The following BBIP1 variants were observed in gnomAD, a reference collection of about 807,000 sequenced individuals.
The protein encoded by BBIP1 is BBSome interacting protein 1, also known as BBSome-interacting protein 1.
BBIP1 carries 6 observed loss-of-function variants against 8.9 expected under a neutral mutation model. The ratio of observed to expected loss-of-function variants is 0.67; its 90% confidence interval spans 0.37 to 1.33. The LOEUF is 1.33. Ranked by LOEUF, BBIP1 falls within the 40% of genes most tolerant of loss-of-function variation. BBIP1 has a pLI of 0.02. For missense variants in BBIP1, 111 were observed against 109.2 expected, an observed-to-expected ratio of 1.02 and a Z score of -0.07; for synonymous variants, 32 against 33.4, an observed-to-expected ratio of 0.96 and a Z score of 0.14.
At chr10:110,916,368 C>T (rs1234516631) in intron 2 of BBIP1, among the ~76,000 whole-genome samples, 2 of 152,128 alleles carry the variant, frequency 1.3e-5, no homozygotes, top group Non-Finnish European at 2.9e-5. Context: ...CGTTGGCAGT[C>T]TTGAGTTTTC....
In BBIP1 at chr10:110,907,901, A is replaced by G; in HGVS notation, c.38-6289T>C. The G allele has an allele frequency of 4.8e-6, 3 of 620,960 alleles. No individual in the cohort carries two copies. The South Asian group carries it at 5.8e-5, about 12-fold the overall frequency. The allele number at this position is 620,960 out of a possible 1,614,324, so 38.5% of individuals were successfully genotyped here. On this transcript the variant is annotated intron_variant, in intron 2 of 3. Coordinates refer to ENST00000448814, the MANE Select transcript of BBIP1 (RefSeq NM_001195305.3). ...GACTGTTTAGAAACTTTAATATGCT[A>G]AAGTATGTGATACATTTCAAACAGG...
intron 2 of BBIP1, among the ~76,000 whole-genome samples, chr10:110,915,060 C>T (rs149193530): frequency 6.6e-6 from 1 of 152,314 alleles, no homozygotes; most frequent in African/African-American, 2.4e-5. Flanking sequence ...AAAGCCCAGT[C>T]CCCAAATCAT....
chr10:110,900,209 A>T lies in BBIP1; in HGVS notation c.*151T>A. On this transcript the variant is annotated 3_prime_UTR_variant, in exon 4 of 4. Coordinates refer to ENST00000448814, the MANE Select transcript of BBIP1 (RefSeq NM_001195305.3). ...CCAGAGTGTTTACATTCACAATACA[A>T]ATTTCATCAATCTTGGATATTTTTG... 2.5e-6 allele frequency: 2 copies of T among 802,070 alleles called. No individual in the cohort carries two copies. Among genetic ancestry groups the T allele is most frequent in the African/African-American group, 1.8e-5 (1 of 56,642 alleles). The allele number at this position is 802,070 out of a possible 1,614,324, so 49.7% of individuals were successfully genotyped here. A position where few individuals can be genotyped will look rare whatever the true frequency, so the allele number is the denominator to read the frequency against.
chr10:110,908,530 A>T (rs552253584), intron 2 of BBIP1, among the ~76,000 whole-genome samples: 1 of 152,362 alleles, frequency 6.6e-6, no homozygotes, highest in African/African-American at 2.4e-5. Context: ...TTACTAAGGC[A>T]TAGTCTCTAG....
intron 2 of BBIP1, 189 bp downstream of exon 2, chr10:110,917,932 G>A: frequency 1.7e-6 from 1 of 598,784 alleles, no homozygotes; most frequent in South Asian, 2.0e-5. Context: ...ACATCTCCAC[G>A]GGTAACAGAA....
chr10:110,905,655 T>A (rs1374063891), intron 2 of BBIP1, among the ~76,000 whole-genome samples: 1 of 152,060 alleles, frequency 6.6e-6, no homozygotes, highest in Non-Finnish European at 1.5e-5. Context: ...ATCACTGAAG[T>A]GTCCTTCTGA....
intron 2 of BBIP1, among the ~76,000 whole-genome samples, chr10:110,917,710 C>T (rs1316296919): frequency 6.6e-6 from 1 of 152,130 alleles, no homozygotes; most frequent in African/African-American, 2.4e-5. Context: ...TTCAAACTTT[C>T]AGTAAGTATT....
At chr10:110,901,021 C>A in intron 3 of BBIP1, 1 of 362,482 alleles carries the variant, frequency 2.8e-6, no homozygotes, top group South Asian at 2.1e-5. Context: ...CATGGTAGCT[C>A]TTACCTGTTA....
intron 2 of BBIP1, among the ~76,000 whole-genome samples, chr10:110,916,224 G>C (rs1009771099): frequency 2.0e-5 from 3 of 152,178 alleles, no homozygotes; most frequent in Non-Finnish European, 4.4e-5. Flanking sequence ...CAATATGATG[G>C]CTAAAAACAT....
At position 110,899,678 on chromosome 10, in the gene BBIP1, T is replaced by G. The variant is rs934945278; in HGVS notation, c.*682A>C. ...CAGGCATGGTGGCGCATGCGTGTAA[T>G]CCCAGCTACTTGGGAGGCTGAGGCA... On this transcript the variant is annotated 3_prime_UTR_variant, in exon 4 of 4. Coordinates refer to ENST00000448814, the MANE Select transcript of BBIP1 (RefSeq NM_001195305.3). 2.6e-5 allele frequency: 4 copies of G among 152,054 alleles called. No individual in the cohort carries two copies. The highest frequency in any genetic ancestry group is 7.3e-5 in the African/African-American group (3 of 41,344). 9.4% of individuals were successfully genotyped at this position (152,054 alleles called of 1,614,324 possible). A position where few individuals can be genotyped will look rare whatever the true frequency, so the allele number is the denominator to read the frequency against.
chr10:110,901,572 C>T lies in BBIP1; in HGVS notation c.78G>A (p.Val26=). 6.5e-7 allele frequency: 1 copy of T among 1,535,684 alleles called. No homozygotes were observed. Among genetic ancestry groups the T allele is most frequent in the Non-Finnish European group, 8.7e-7 (1 of 1,146,538 alleles). Residue 26 remains valine (V), a synonymous_variant, in exon 3 of 4, where the codon GTG becomes GTA. Coordinates refer to ENST00000448814, the MANE Select transcript of BBIP1 (RefSeq NM_001195305.3). ...TISNNSDMAE[V]KSMFREVLPK... is the part of the protein sequence containing the mutation. ...GAAGAACTTCCCGGAACATTGACTT[C>T]ACTTCTGCCATATCTGAGTTGTTGG...
intron 2 of BBIP1, chr10:110,907,862 C>G: frequency 1.5e-6 from 1 of 676,090 alleles, no homozygotes; most frequent in Non-Finnish European, 2.7e-6. Flanking sequence ...GTTAAATTTT[C>G]TTTTTAATAG....
In BBIP1 at chr10:110,899,390, GTTT is replaced by G. The variant is rs1470554249; in HGVS notation, c.*967_*969del. The G allele has an allele frequency of 6.6e-6, 1 of 152,074 alleles. No homozygotes were observed. Among genetic ancestry groups the G allele is most frequent in the African/African-American group, 2.4e-5 (1 of 41,400 alleles). The allele number at this position is 152,074 out of a possible 1,614,324, so 9.4% of individuals were successfully genotyped here. A position where few individuals can be genotyped will look rare whatever the true frequency, so the allele number is the denominator to read the frequency against. Reference sequence around the variant, plus strand: ...GCTTATATATAGTTACCATTTTTAGGTTTTTAATTGTTTGACACTTGGATGATA... The same window carrying G: ...GCTTATATATAGTTACCATTTTTAGGTTAATTGTTTGACACTTGGATGATA... On this transcript the variant is annotated 3_prime_UTR_variant, in exon 4 of 4. Transcript: ENST00000448814.
At chr10:110,915,657 G>T (rs1846385317) in intron 2 of BBIP1, among the ~76,000 whole-genome samples, 1 of 151,948 alleles carries the variant, frequency 6.6e-6, no homozygotes, top group African/African-American at 2.4e-5. Context: ...ATATATATTT[G>T]AATTAATTCT....
intron 2 of BBIP1, chr10:110,912,153 C>CTT (rs1333724750): frequency 1.8e-4 from 25 of 138,998 alleles, no homozygotes; most frequent in Middle Eastern, 3.8e-3. Context: ...CTTTTCTTTT[C>CTT]TTTTCTTTTT....
At chr10:110,902,344 T>A (rs565346786) in intron 2 of BBIP1, 23 of 152,740 alleles carry the variant, frequency 1.5e-4, no homozygotes, top group African/African-American at 4.8e-4. Flanking sequence ...ACAGTCAAGA[T>A]TCTGCTATGC....
At chr10:110,910,099 T>C (rs922900318) in intron 2 of BBIP1, among the ~76,000 whole-genome samples, 2 of 152,186 alleles carry the variant, frequency 1.3e-5, no homozygotes, top group Admixed American at 6.5e-5. Flanking sequence ...TGGCTAAGGA[T>C]AGGGGACAAC....
intron 2 of BBIP1, chr10:110,903,611 T>A (rs1221007049): frequency 2.0e-5 from 3 of 152,092 alleles, no homozygotes; most frequent in Non-Finnish European, 2.9e-5. Context: ...GAGTCCAGAG[T>A]AGGAAGGAGT....
At chr10:110,916,854 G>C (rs1333889559) in intron 2 of BBIP1, among the ~76,000 whole-genome samples, 1 of 152,136 alleles carries the variant, frequency 6.6e-6, no homozygotes, top group East Asian at 1.9e-4. Flanking sequence ...TATACACACA[G>C]GATTAAATGC....
Sources: allele counts gnomAD v4.1 joint callset (sites outside exome capture counted in the v4.1 genomes callset), GRCh38; gene constraint gnomAD v4.1.1; transcripts MANE v1.5; gene names NCBI Gene and HGNC (gene_info 2026-07-23, HGNC 2026-07-21).